ZC3HAV1: variants seen among roughly 807,000 people sequenced by gnomAD.
The protein encoded by ZC3HAV1 is zinc finger CCCH-type antiviral protein 1.
Under a neutral mutation model 86.6 loss-of-function variants are expected in ZC3HAV1, and 41 were observed. That is an observed-to-expected ratio of 0.47 (90% confidence interval 0.37 to 0.61). The LOEUF (loss-of-function observed/expected upper bound fraction) is 0.61, where lower values mean the gene tolerates loss of function less well. Ranked by LOEUF, ZC3HAV1 falls within the 20% of genes least tolerant of loss-of-function variation. ZC3HAV1 has a pLI of 0.00. For synonymous variants in ZC3HAV1, 421 were observed against 432.1 expected, an observed-to-expected ratio of 0.97 and a Z score of 0.32; for missense variants, 964 against 1,141.1, an observed-to-expected ratio of 0.84 and a Z score of 2.24.
At chr7:139,060,665 A>T in intron 9 of ZC3HAV1, 6 of 1,035,984 alleles carry the variant, frequency 5.8e-6, no homozygotes, top group Non-Finnish European at 7.0e-6. Context: ...ACAAAGTGAG[A>T]CCCCCTCTAA....
At chr7:139,050,522 C>T (rs1482813678) in intron 12 of ZC3HAV1, among the ~76,000 whole-genome samples, 1 of 152,068 alleles carries the variant, frequency 6.6e-6, no homozygotes, top group East Asian at 1.9e-4. Context: ...CATGTGCCAC[C>T]ACGCCCAGCT....
Position 139,054,112 on chromosome 7 carries a change from A to G in ZC3HAV1, c.2188-17T>C. 1 of 1,554,242 alleles carries G rather than the reference A, an allele frequency of 6.4e-7. No homozygotes were observed. The highest frequency in any genetic ancestry group is 2.4e-5 in the East Asian group (1 of 42,188). On this transcript the variant is annotated splice_polypyrimidine_tract_variant and intron_variant, in intron 10 of 12. Coordinates refer to ENST00000242351, the MANE Select transcript of ZC3HAV1 (RefSeq NM_020119.4). ...CTCTGACAACTAATAAAGTTTAAAA[A>G]TAGATAAATGTGAAATAGGAAACAT...
At chr7:139,088,050 A>T in intron 2 of ZC3HAV1, among the ~76,000 whole-genome samples, 1 of 150,210 alleles carries the variant, frequency 6.7e-6, no homozygotes. Flanking sequence ...AAAAAAAAAA[A>T]AAAAAGAAAA....
intron 9 of ZC3HAV1, among the ~76,000 whole-genome samples, chr7:139,059,275 C>G (rs927814570): frequency 5.3e-5 from 8 of 152,184 alleles, no homozygotes; most frequent in African/African-American, 1.9e-4. Flanking sequence ...CTCCTCTCTT[C>G]CCTAAACCCT....
chr7:139,048,926 T>C (rs1313691470), intron 12 of ZC3HAV1, among the ~76,000 whole-genome samples: 6 of 152,106 alleles, frequency 3.9e-5, no homozygotes, highest in Non-Finnish European at 7.4e-5. Context: ...CCACTCCCCT[T>C]CCCAAAACAG....
intron 1 of ZC3HAV1, among the ~76,000 whole-genome samples, chr7:139,106,919 T>G (rs1817953121): frequency 7.0e-6 from 1 of 143,556 alleles, no homozygotes; most frequent in South Asian, 2.2e-4. Context: ...ACTGGCCATA[T>G]TTTCAAAACT....
chr7:139,076,343 G>A lies in ZC3HAV1; in HGVS notation c.1640C>T (p.Thr547Met), dbSNP rs374071219. 17 of 1,613,982 alleles carry A rather than the reference G, an allele frequency of 1.1e-5. No homozygotes were observed. Among genetic ancestry groups the A allele is most frequent in the Admixed American group, 6.7e-5 (4 of 59,996 alleles). ...GATCGTCTCCATGTGCTCAAAGTCC[G>A]TCCAGGTTTTACCAATAAGCATCTG... ...RWQMLIGKTW[T>M]DFEHMETIEK... Residue 547 changes from threonine to methionine, a missense_variant, in exon 6 of 13, where the codon ACG (threonine) becomes ATG (methionine). Coordinates refer to ENST00000242351, the MANE Select transcript of ZC3HAV1 (RefSeq NM_020119.4).
chr7:139,052,420 A>T lies in ZC3HAV1; in HGVS notation c.2449+1031T>A, dbSNP rs1816150316. On this transcript the variant is annotated intron_variant, in intron 12 of 12. Transcript: ENST00000242351. Reference sequence around the variant, plus strand: ...CAGGAGTTCTAGACCAGCCTGACCAACATGGAGAAACCCAGTCTCTACTGA... The same window carrying T: ...CAGGAGTTCTAGACCAGCCTGACCATCATGGAGAAACCCAGTCTCTACTGA... Among the ~76,000 whole-genome samples, 7 of 150,928 alleles carry T rather than the reference A, an allele frequency of 4.6e-5. No individual in the cohort carries two copies. In the South Asian group the frequency reaches 1.3e-3, roughly 27 times the overall value.
At position 139,053,599 on chromosome 7, in the gene ZC3HAV1, A is replaced by G. The variant is rs1816199110; in HGVS notation, c.2319-18T>C. The G allele has an allele frequency of 1.9e-6, 3 of 1,575,686 alleles. No individual in the cohort carries two copies. Among genetic ancestry groups the G allele is most frequent in the African/African-American group, 1.4e-5 (1 of 73,442 alleles). ...ATTTCTTCCTAATATAAGAGATGTG[A>G]GACTTAACACGGAGACATCCCCTTC... is the stretch of plus-strand genomic sequence containing the variant. On this transcript the variant is annotated intron_variant, in intron 11 of 12. Coordinates refer to ENST00000242351, the MANE Select transcript of ZC3HAV1 (RefSeq NM_020119.4).
Position 139,049,125 on chromosome 7 carries a change from C to CT in ZC3HAV1, c.2450-1273dup, listed in dbSNP as rs754435812. ...CAGTACATCCAACTCTCTCTCTCTC[C>CT]TTTTTTTTTTTTTTTTTTCGTTGTT... On this transcript the variant is annotated intron_variant, in intron 12 of 12. Transcript: ENST00000242351. 4.7e-3 allele frequency among the ~76,000 whole-genome samples: 595 copies of CT among 125,396 alleles called. 10 individuals carry two copies. The East Asian group carries it at 0.055, about 12-fold the overall frequency. The allele number at this position is 125,396 out of a possible 152,430, so 82.3% of individuals were successfully genotyped here. A position where few individuals can be genotyped will look rare whatever the true frequency, so the allele number is the denominator to read the frequency against.
chr7:139,079,647 C>T lies in ZC3HAV1; in HGVS notation c.1294G>A (p.Ala432Thr), dbSNP rs756983309. Residue 432 changes from alanine (A) to threonine (T), a missense_variant, in exon 4 of 13, where the codon GCT (alanine) becomes ACT (threonine). Physicochemically the swap from Ala to Thr is moderately conservative, Grantham distance 58. Coordinates refer to ENST00000242351, the MANE Select transcript of ZC3HAV1 (RefSeq NM_020119.4). ...GTTATATCTGTGGCCACTCCATCAG[C>T]ATTATTATTAAAAAGAGGGCCAGGC... ...IQPGPLFNNNADGVATDITST... is the reference protein window; with the variant it reads ...IQPGPLFNNNTDGVATDITST... 1 of 1,614,154 alleles carries T rather than the reference C, an allele frequency of 6.2e-7. No homozygotes were observed. Among genetic ancestry groups the T allele is most frequent in the Non-Finnish European group, 8.5e-7 (1 of 1,180,034 alleles).
At chr7:139,072,659 C>A (rs114219178) in intron 7 of ZC3HAV1, among the ~76,000 whole-genome samples, 1,598 of 152,282 alleles carry the variant, frequency 0.01, 27 homozygotes, top group African/African-American at 0.037. Context: ...CTAAACTTCC[C>A]TCCCTATTAC....
chr7:139,066,789 C>T (rs1816617821), intron 7 of ZC3HAV1, among the ~76,000 whole-genome samples: 1 of 152,174 alleles, frequency 6.6e-6, no homozygotes, highest in Admixed American at 6.5e-5. Context: ...CCCAATTTCC[C>T]ATCCCTACAG....
chr7:139,082,119 G>T (rs1202503063), intron 3 of ZC3HAV1, among the ~76,000 whole-genome samples: 1 of 152,010 alleles, frequency 6.6e-6, no homozygotes, highest in Non-Finnish European at 1.5e-5. Flanking sequence ...ACAAAAATTA[G>T]CTGGGAGTGG....
intron 9 of ZC3HAV1, 101 bp downstream of exon 9, chr7:139,060,935 C>A: frequency 6.3e-7 from 1 of 1,599,772 alleles, no homozygotes; most frequent in Non-Finnish European, 8.5e-7. Context: ...CAAACAGGAA[C>A]TTTTCAGGAA....
chr7:139,092,158 T>C (rs1378344613), intron 1 of ZC3HAV1, among the ~76,000 whole-genome samples: 1 of 152,206 alleles, frequency 6.6e-6, no homozygotes, highest in African/African-American at 2.4e-5. Context: ...TGCGGGACTT[T>C]GGGCGTTATC....
chr7:139,057,762 G>C lies in ZC3HAV1; in HGVS notation c.2097-2467C>G, dbSNP rs190206251. 4.7e-3 allele frequency among the ~76,000 whole-genome samples: 111 copies of C among 23,850 alleles called. 46 individuals carry two copies. The highest frequency in any genetic ancestry group is 0.011 in the Admixed American group (31 of 2,872). The allele number at this position is 23,850 out of a possible 152,430, so 15.6% of individuals were successfully genotyped here. ...TCACCGTGTTAGCCAGGATGGTCTC[G>C]ATCTCCTGACCTCGTGATCCGCCCA... On this transcript the variant is annotated intron_variant, in intron 9 of 12. Transcript: ENST00000242351.
intron 12 of ZC3HAV1, chr7:139,049,376 T>C (rs1816058174): frequency 6.6e-6 from 1 of 152,214 alleles, no homozygotes; most frequent in East Asian, 1.9e-4. Context: ...TGGCCATTTG[T>C]ATTTCTTCTT....
intron 7 of ZC3HAV1, 131 bp from the exon 8 acceptor site, chr7:139,065,130 T>C (rs1019526930): frequency 6.5e-6 from 8 of 1,238,030 alleles, no homozygotes; most frequent in Non-Finnish European, 8.9e-6. Flanking sequence ...TTGTAAAAGC[T>C]TCCAGCTCAG....
Sources: allele counts gnomAD v4.1 joint callset (sites outside exome capture counted in the v4.1 genomes callset), GRCh38; gene constraint gnomAD v4.1.1; transcripts MANE v1.5; gene names NCBI Gene and HGNC (gene_info 2026-07-23, HGNC 2026-07-21).